The following PARPBP variants were observed in gnomAD, a reference collection of about 807,000 sequenced individuals.
PARPBP encodes the protein PARP1 binding protein.
In PARPBP, 52 loss-of-function variants were observed where a neutral mutation model predicts 50.0. That is an observed-to-expected ratio of 1.04 (90% CI 0.83 to 1.31). The LOEUF (loss-of-function observed/expected upper bound fraction) is 1.31. PARPBP is among the 50% of genes most tolerant of loss of function. The probability of loss-of-function intolerance (pLI) is 0.00; values close to 1 mark genes in which losing one functional copy is unlikely to be tolerated. For missense variants in PARPBP, 697 were observed against 672.0 expected (o/e 1.04, Z -0.41); for synonymous variants, 244 against 232.1 (o/e 1.05, Z -0.47).
At chr12:102,151,846 A>G in intron 3 of PARPBP, 1 of 1,359,898 alleles carries the variant, frequency 7.4e-7, no homozygotes, top group Non-Finnish European at 1.0e-6. Flanking sequence ...TGAAGAAGCC[A>G]CCTGGCACCA....
At position 102,182,562 on chromosome 12, in the gene PARPBP, G is replaced by A. The variant is rs12227879; in HGVS notation, c.1198G>A (p.Val400Met). The A allele has an allele frequency of 1.2e-3, 1,859 of 1,610,520 alleles. 35 individuals are homozygous for A. In the East Asian group the frequency reaches 0.036, roughly 31 times the overall value. ...ILTLFRSPTQ[V>M]NNSIKPLRER... is the part of the protein sequence containing the mutation. ...TTTTTGACATAGGTCTCCCACACAG[G>A]TGAATAATTCGATAAAACCCCTAAG... is the stretch of plus-strand genomic sequence containing the variant. The change falls in exon 9 of 11, where the codon GTG (valine) becomes ATG (methionine). Residue 400 changes from valine to methionine, a missense_variant. Physicochemically the swap from Val to Met is conservative, Grantham distance 21. Coordinates refer to ENST00000327680, the MANE Select transcript of PARPBP (RefSeq NM_017915.5).
In PARPBP at chr12:102,195,366, A is replaced by G. The variant is rs1254023810; in HGVS notation, c.1318A>G (p.Met440Val). 6.3e-7 allele frequency: 1 copy of G among 1,590,782 alleles called. No individual in the cohort carries two copies. Residue 440 changes from methionine to valine, a missense_variant, in exon 10 of 11, where the codon ATG becomes GTG. Transcript: ENST00000327680. Reference protein sequence around the residue: ...QFACTYKDDYMISKDNWNNVN... With the variant: ...QFACTYKDDYVISKDNWNNVN... ...TGCTTGTACTTATAAAGATGACTAC[A>G]TGATAAGCAAGGATAATTGGAATAA...
At chr12:102,146,481 T>C (rs530152605) in intron 2 of PARPBP, among the ~76,000 whole-genome samples, 51 of 152,276 alleles carry the variant, frequency 3.3e-4, no homozygotes, top group Non-Finnish European at 6.0e-4. Flanking sequence ...ATTCCCTATT[T>C]AATAAATGGT....
intron 3 of PARPBP, 87 bp downstream of exon 3, chr12:102,148,550 C>A: frequency 1.8e-6 from 1 of 557,570 alleles, no homozygotes; most frequent in South Asian, 3.1e-5. Flanking sequence ...GTTATAGTAA[C>A]TTGGTAATGT....
At chr12:102,155,854 G>A (rs934506656) in intron 4 of PARPBP, among the ~76,000 whole-genome samples, 16 of 152,170 alleles carry the variant, frequency 1.1e-4, no homozygotes, top group African/African-American at 3.6e-4. Flanking sequence ...CTAGCCAGGC[G>A]CTCATTGCTG....
intron 4 of PARPBP, among the ~76,000 whole-genome samples, chr12:102,157,727 C>T (rs1887111967): frequency 1.3e-5 from 2 of 152,168 alleles, no homozygotes; most frequent in African/African-American, 2.4e-5. Flanking sequence ...GACACTTTGG[C>T]ACTGTATAAA....
At chr12:102,168,491 TG>T (rs1888374141) in intron 6 of PARPBP, among the ~76,000 whole-genome samples, 1 of 152,172 alleles carries the variant, frequency 6.6e-6, no homozygotes, top group Non-Finnish European at 1.5e-5. Flanking sequence ...TTATCTTTTT[TG>T]TGTTGATTTG....
intron 2 of PARPBP, among the ~76,000 whole-genome samples, chr12:102,139,260 A>G (rs1414082767): frequency 6.6e-6 from 1 of 152,050 alleles, no homozygotes; most frequent in Non-Finnish European, 1.5e-5. Context: ...ATTGTGAATG[A>G]GAGTTCACTC....
intron 2 of PARPBP, among the ~76,000 whole-genome samples, chr12:102,141,450 C>G (rs2138160718): frequency 6.6e-6 from 1 of 152,212 alleles, no homozygotes; most frequent in South Asian, 2.1e-4. Flanking sequence ...ATTTGCCAGT[C>G]TGTGTCTTTT....
rs773864586 is a variant in PARPBP at position 102,148,337 on chromosome 12, T to G, written c.261T>G (p.His87Gln). 6.3e-7 allele frequency: 1 copy of G among 1,593,652 alleles called. No individual in the cohort carries two copies. Among genetic ancestry groups the G allele is most frequent in the Non-Finnish European group, 8.6e-7 (1 of 1,161,882 alleles). ...TTGAAAACATGGACGTGACTGACCA[T>G]TATGAGGACGTTAGGAAGATTTATG... ...LPVENMDVTDHYEDVRKIYDD... is the reference protein window; with the variant it reads ...LPVENMDVTDQYEDVRKIYDD... Residue 87 changes from histidine (H) to glutamine (Q), a missense_variant, in exon 3 of 11, where the codon CAT becomes CAG. His to Gln is a conservative substitution (Grantham distance 24). Transcript: ENST00000327680.
intron 2 of PARPBP, among the ~76,000 whole-genome samples, chr12:102,133,644 G>C (rs1361732482): frequency 6.6e-6 from 1 of 151,848 alleles, no homozygotes; most frequent in Non-Finnish European, 1.5e-5. Flanking sequence ...GGTCATGGTT[G>C]TTTCATAAAA....
At chr12:102,130,611 T>C (rs1474325100) in intron 2 of PARPBP, among the ~76,000 whole-genome samples, 1 of 152,140 alleles carries the variant, frequency 6.6e-6, no homozygotes, top group Non-Finnish European at 1.5e-5. Flanking sequence ...CTGAGTACTT[T>C]GGGAGGCTGA....
intron 6 of PARPBP, among the ~76,000 whole-genome samples, chr12:102,166,406 G>A (rs1325062343): frequency 3.3e-5 from 5 of 152,088 alleles, no homozygotes; most frequent in African/African-American, 1.2e-4. Context: ...ATATTGAGTG[G>A]TAAGTAAGTT....
chr12:102,192,120 G>T (rs1002015049), intron 9 of PARPBP, among the ~76,000 whole-genome samples: 2 of 152,114 alleles, frequency 1.3e-5, no homozygotes, highest in Admixed American at 1.3e-4. Context: ...GAAGCTGTTT[G>T]TAAGTTCATT....
intron 2 of PARPBP, among the ~76,000 whole-genome samples, chr12:102,130,703 A>G (rs111717834): frequency 0.014 from 2,066 of 151,408 alleles, 32 homozygotes; most frequent in Middle Eastern, 0.024. Context: ...GAAATACAAA[A>G]CATTAGCCGG....
intron 2 of PARPBP, among the ~76,000 whole-genome samples, chr12:102,146,301 A>T (rs1411399761): frequency 1.3e-5 from 2 of 152,174 alleles, no homozygotes; most frequent in Non-Finnish European, 2.9e-5. Flanking sequence ...GCATCACGCT[A>T]CCTGACTTCA....
At chr12:102,129,887 A>C (rs1390469094) in intron 2 of PARPBP, among the ~76,000 whole-genome samples, 1 of 152,188 alleles carries the variant, frequency 6.6e-6, no homozygotes, top group Non-Finnish European at 1.5e-5. Flanking sequence ...AGCTAGAAAA[A>C]GCTCTTTTAA....
At chr12:102,183,086 T>G (rs889737048) in intron 9 of PARPBP, among the ~76,000 whole-genome samples, 1 of 152,214 alleles carries the variant, frequency 6.6e-6, no homozygotes, top group African/African-American at 2.4e-5. Flanking sequence ...GTTCCTGTTC[T>G]TTGTTCATTT....
chr12:102,145,717 G>A (rs1479958843), intron 2 of PARPBP, among the ~76,000 whole-genome samples: 1 of 152,056 alleles, frequency 6.6e-6, no homozygotes, highest in African/African-American at 2.4e-5. Flanking sequence ...TAGAAATTCT[G>A]TCAAAAAAGA....
Sources: allele counts gnomAD v4.1 joint callset (sites outside exome capture counted in the v4.1 genomes callset), GRCh38; gene constraint gnomAD v4.1.1; transcripts MANE v1.5; gene names NCBI Gene and HGNC (gene_info 2026-07-23, HGNC 2026-07-21).